Variants in JAK2 observed in about 807,000 individuals in gnomAD.
JAK2 encodes Janus kinase 2.
JAK2 carries 86 observed loss-of-function variants against 139.3 expected under a neutral mutation model. The ratio of observed to expected loss-of-function variants is 0.62; its 90% confidence interval spans 0.52 to 0.74. The LOEUF is 0.74. Ranked by LOEUF, JAK2 falls within the 30% of genes least tolerant of loss-of-function variation. The pLI is 0.00. For missense variants in JAK2, 1,421 were observed against 1,360.3 expected, an observed-to-expected ratio of 1.04 and a Z score of -0.70; for synonymous variants, 490 against 437.7, an observed-to-expected ratio of 1.12 and a Z score of -1.49.
At chr9:5,023,888 T>C (rs1260578486) in intron 3 of JAK2, among the ~76,000 whole-genome samples, 2 of 149,718 alleles carry the variant, frequency 1.3e-5, no homozygotes, top group African/African-American at 2.4e-5. Flanking sequence ...GATTTTAGCT[T>C]GTAAGATTTT....
intron 22 of JAK2, among the ~76,000 whole-genome samples, chr9:5,102,575 C>G (rs1821594169): frequency 6.6e-6 from 1 of 152,056 alleles, no homozygotes; most frequent in Non-Finnish European, 1.5e-5. Context: ...AGAGCAACCC[C>G]AAGACACGTA....
chr9:5,062,418 G>C (rs1425762259), intron 8 of JAK2, among the ~76,000 whole-genome samples: 2 of 142,138 alleles, frequency 1.4e-5, no homozygotes, highest in Non-Finnish European at 3.0e-5. Flanking sequence ...TGACACATAG[G>C]AAGTAAGCAT....
At chr9:5,120,466 C>A (rs1192066296) in intron 22 of JAK2, among the ~76,000 whole-genome samples, 1 of 152,180 alleles carries the variant, frequency 6.6e-6, no homozygotes, top group Admixed American at 6.5e-5. Flanking sequence ...ACTTTGTTAT[C>A]TATATTGTTT....
At chr9:5,022,744 C>G (rs1358449301) in intron 3 of JAK2, among the ~76,000 whole-genome samples, 1 of 152,090 alleles carries the variant, frequency 6.6e-6, no homozygotes, top group Non-Finnish European at 1.5e-5. Flanking sequence ...AACTGTGAAC[C>G]AGAGAACTCT....
rs544228927 is a variant in JAK2 at position 5,072,412 on chromosome 9, T to A, written c.1642-80T>A. On this transcript the variant is annotated intron_variant, in intron 12 of 24. Coordinates refer to ENST00000381652, the MANE Select transcript of JAK2 (RefSeq NM_004972.4). ...TTGCTTATGGATTTAAAAAAATTCT[T>A]CCTCATTGAATGTATTTTCTTGTTC... The A allele has an allele frequency of 5.7e-5, 60 of 1,056,084 alleles. No homozygotes were observed. The South Asian group carries it at 1.4e-3, about 25-fold the overall frequency. 65.4% of individuals were successfully genotyped at this position (1,056,084 alleles called of 1,614,324 possible). A position where few individuals can be genotyped will look rare whatever the true frequency, so the allele number is the denominator to read the frequency against.
chr9:5,033,980 T>G (rs2130198373), intron 4 of JAK2, among the ~76,000 whole-genome samples: 1 of 152,312 alleles, frequency 6.6e-6, no homozygotes, highest in Middle Eastern at 3.4e-3. Flanking sequence ...ATCAGTGTGC[T>G]GTATTCAGGA....
intron 2 of JAK2, among the ~76,000 whole-genome samples, chr9:4,987,157 C>T (rs1176955771): frequency 6.6e-6 from 1 of 152,190 alleles, no homozygotes; most frequent in African/African-American, 2.4e-5. Flanking sequence ...AGGAAAGCTG[C>T]AGTACTTGCT....
intron 4 of JAK2, among the ~76,000 whole-genome samples, chr9:5,043,956 A>G (rs936148940): frequency 6.6e-6 from 1 of 152,232 alleles, no homozygotes; most frequent in Non-Finnish European, 1.5e-5. Flanking sequence ...TATGTGAATT[A>G]TATCTCAATA....
intron 2 of JAK2, among the ~76,000 whole-genome samples, chr9:5,016,095 G>T (rs775372079): frequency 1.5e-4 from 22 of 150,188 alleles, no homozygotes; most frequent in Non-Finnish European, 3.1e-4. Context: ...TTTACTGCCA[G>T]CCGTCGCTTC....
intron 4 of JAK2, among the ~76,000 whole-genome samples, chr9:5,036,616 A>G (rs890762654): frequency 6.6e-6 from 1 of 152,190 alleles, no homozygotes; most frequent in Non-Finnish European, 1.5e-5. Flanking sequence ...TGGGGAAAGG[A>G]TTCCCTATTT....
chr9:5,060,398 T>C (rs1818083235), intron 8 of JAK2, among the ~76,000 whole-genome samples: 2 of 152,218 alleles, frequency 1.3e-5, no homozygotes, highest in Non-Finnish European at 2.9e-5. Context: ...AGAATTTCTT[T>C]AGAAATGAGT....
chr9:5,096,498 G>C (rs911892321), intron 22 of JAK2, among the ~76,000 whole-genome samples: 2 of 152,122 alleles, frequency 1.3e-5, no homozygotes, highest in South Asian at 2.1e-4. Flanking sequence ...CCCTCCATGT[G>C]GGGGGAGGGT....
chr9:5,038,876 C>T (rs1001764715), intron 4 of JAK2, among the ~76,000 whole-genome samples: 4 of 152,016 alleles, frequency 2.6e-5, no homozygotes, highest in African/African-American at 9.7e-5. Context: ...CAATGTAATA[C>T]ACCACATTAA....
At chr9:5,036,556 T>C (rs541182059) in intron 4 of JAK2, among the ~76,000 whole-genome samples, 37 of 151,478 alleles carry the variant, frequency 2.4e-4, no homozygotes, top group Non-Finnish European at 4.1e-4. Context: ...GAAATAATGC[T>C]ACCTATCTAC....
At chr9:5,004,856 T>G (rs1821174177) in intron 2 of JAK2, among the ~76,000 whole-genome samples, 1 of 152,050 alleles carries the variant, frequency 6.6e-6, no homozygotes, top group Non-Finnish European at 1.5e-5. Context: ...CACTATGGTT[T>G]TAATTTGCAT....
chr9:4,993,906 T>C (rs539939141), intron 2 of JAK2, among the ~76,000 whole-genome samples: 1 of 152,310 alleles, frequency 6.6e-6, no homozygotes, highest in East Asian at 1.9e-4. Flanking sequence ...CAAAGATGCA[T>C]ATGTTAGTGG....
intron 2 of JAK2, among the ~76,000 whole-genome samples, chr9:5,007,535 TAAG>T (rs1821387459): frequency 6.6e-6 from 1 of 152,094 alleles, no homozygotes; most frequent in African/African-American, 2.4e-5. Flanking sequence ...GTTGAGGTAT[TAAG>T]AATAGCATAA....
At chr9:4,997,655 G>A (rs894241367) in intron 2 of JAK2, among the ~76,000 whole-genome samples, 1 of 152,166 alleles carries the variant, frequency 6.6e-6, no homozygotes, top group Non-Finnish European at 1.5e-5. Flanking sequence ...TATCAACCTT[G>A]CTGTACCCCT....
chr9:4,993,711 T>C lies in JAK2; in HGVS notation c.-26+7689T>C, dbSNP rs150936108. On this transcript the variant is annotated intron_variant, in intron 2 of 24. Coordinates refer to ENST00000381652, the MANE Select transcript of JAK2 (RefSeq NM_004972.4). ...AAGTTTCCTCAAGACCCTTTACATG[T>C]GTGAACACAAAGGGTCCTTATCTGT... Among the ~76,000 whole-genome samples the C allele has an allele frequency of 1.1e-3, 172 of 152,312 alleles. 1 individual carries two copies. Among genetic ancestry groups the C allele is most frequent in the African/African-American group, 3.8e-3 (157 of 41,570 alleles).
Sources: gnomAD v4.1 joint callset for allele counts (sites outside exome capture counted in the v4.1 genomes callset) on GRCh38, gnomAD v4.1.1 for gene constraint, MANE v1.5 for transcripts, NCBI Gene and HGNC (gene_info 2026-07-23, HGNC 2026-07-21) for gene names.